UGT1A8: variants seen among roughly 807,000 people sequenced by gnomAD.
UGT1A8 encodes UDP glucuronosyltransferase family 1 member A8, also known as UDP-glucuronosyltransferase 1A8.
UGT1A8 carries 39 observed loss-of-function variants against 45.3 expected under a neutral mutation model. That is an observed-to-expected ratio of 0.86 (90% confidence interval 0.67 to 1.12). The LOEUF is 1.12. UGT1A8 is among the 50% of genes most tolerant of loss of function. The probability of loss-of-function intolerance (pLI) is 0.00; values close to 1 mark genes in which losing one functional copy is unlikely to be tolerated. For synonymous variants in UGT1A8, 275 were observed against 249.2 expected (o/e 1.10, Z -0.97); for missense variants, 719 against 664.9 (o/e 1.08, Z -0.90).
chr2:233,662,819 T>G (rs2074002190), intron 1 of UGT1A8, among the ~76,000 whole-genome samples: 1 of 61,852 alleles, frequency 1.6e-5, no homozygotes, highest in Admixed American at 1.3e-4. Flanking sequence ...TGCTGAGAGT[T>G]TTTTTTTTTT....
chr2:233,761,011 G>A, intron 1 of UGT1A8: 1 of 1,614,156 alleles, frequency 6.2e-7, no homozygotes, highest in Non-Finnish European at 8.5e-7. Flanking sequence ...TCAGAGAGAG[G>A]TGACTGTCCA....
chr2:233,763,406 T>A (rs1698303480), intron 1 of UGT1A8, among the ~76,000 whole-genome samples: 1 of 152,236 alleles, frequency 6.6e-6, no homozygotes, highest in African/African-American at 2.4e-5. Context: ...GGCACTGGTA[T>A]TTTTAATCCA....
intron 1 of UGT1A8, among the ~76,000 whole-genome samples, chr2:233,751,532 C>T (rs1375355946): frequency 6.6e-6 from 1 of 152,214 alleles, no homozygotes; most frequent in Non-Finnish European, 1.5e-5. Context: ...TATGGTTTGA[C>T]TCTGTGTTTC....
At chr2:233,698,042 AGTT>A (rs2075422971) in intron 1 of UGT1A8, among the ~76,000 whole-genome samples, 1 of 152,202 alleles carries the variant, frequency 6.6e-6, no homozygotes, top group Non-Finnish European at 1.5e-5. Context: ...TTTTTCAAAA[AGTT>A]GTACTCAGTT....
chr2:233,728,958 A>G (rs2077771946), intron 1 of UGT1A8: 1 of 1,444,154 alleles, frequency 6.9e-7, no homozygotes, highest in Non-Finnish European at 9.2e-7. Flanking sequence ...CCCACAGTGA[A>G]AAACAGTGAT....
intron 1 of UGT1A8, among the ~76,000 whole-genome samples, chr2:233,684,334 A>T (rs2074675170): frequency 6.6e-6 from 1 of 152,198 alleles, no homozygotes; most frequent in Admixed American, 6.5e-5. Flanking sequence ...GGACGCTAAG[A>T]GGATAGACTT....
At chr2:233,743,223 T>C (rs879890998) in intron 1 of UGT1A8, 26 of 414,194 alleles carry the variant, frequency 6.3e-5, no homozygotes, top group Middle Eastern at 7.1e-4. Context: ...TGCTCTTTGC[T>C]ATTTATTATG....
intron 1 of UGT1A8, among the ~76,000 whole-genome samples, chr2:233,645,210 C>G (rs963570438): frequency 2.0e-5 from 3 of 152,206 alleles, no homozygotes; most frequent in African/African-American, 7.2e-5. Context: ...TATTCACTAT[C>G]AAGAGAACAG....
At chr2:233,734,267 C>T (rs1349289847) in intron 1 of UGT1A8, among the ~76,000 whole-genome samples, 2 of 152,020 alleles carry the variant, frequency 1.3e-5, no homozygotes, top group Non-Finnish European at 2.9e-5. Flanking sequence ...GTGTATGTGT[C>T]CAGGAATTTA....
intron 1 of UGT1A8, among the ~76,000 whole-genome samples, chr2:233,670,849 A>G (rs953528936): frequency 1.3e-5 from 2 of 152,182 alleles, no homozygotes; most frequent in Non-Finnish European, 2.9e-5. Context: ...GCAAGATATT[A>G]CCTGACTTCA....
Position 233,729,197 on chromosome 2 carries a change from C to T in UGT1A8, c.856-37837C>T, listed in dbSNP as rs569872278. The stretch of plus-strand genomic sequence containing the variant: ...CTGCTGCTTCTCCTCAGTGTCCAGC[C>T]CTGGGCTGAGAGTGGAAAGGTGTTG... On this transcript the variant is annotated intron_variant, in intron 1 of 4. Coordinates refer to ENST00000373450, the MANE Select transcript of UGT1A8 (RefSeq NM_019076.5). 4.3e-6 allele frequency: 7 copies of T among 1,614,002 alleles called. No homozygotes were observed. The African/African-American group carries it at 8.0e-5, about 18-fold the overall frequency.
At chr2:233,672,798 T>A in intron 1 of UGT1A8, 1 of 1,612,458 alleles carries the variant, frequency 6.2e-7, no homozygotes, top group East Asian at 2.2e-5. Context: ...TGGTAAGTTA[T>A]CTCTCCTTTA....
At chr2:233,691,299 TC>T in intron 1 of UGT1A8, 1 of 985,512 alleles carries the variant, frequency 1.0e-6, no homozygotes, top group South Asian at 4.7e-5. Context: ...AAGCTGCCAA[TC>T]CTCTTGGGAG....
At chr2:233,671,049 A>G (rs1452274402) in intron 1 of UGT1A8, among the ~76,000 whole-genome samples, 2 of 152,202 alleles carry the variant, frequency 1.3e-5, no homozygotes, top group African/African-American at 4.8e-5. Flanking sequence ...AAGGCATAGC[A>G]TGGGTACTGT....
At chr2:233,719,295 G>A in intron 1 of UGT1A8, 1 of 1,613,994 alleles carries the variant, frequency 6.2e-7, no homozygotes. Context: ...CCTCTGTGGG[G>A]CGGTGCTGGC....
At chr2:233,688,257 A>G (rs2074884788) in intron 1 of UGT1A8, among the ~76,000 whole-genome samples, 1 of 152,228 alleles carries the variant, frequency 6.6e-6, no homozygotes, top group Non-Finnish European at 1.5e-5. Context: ...ATTCCTTTAC[A>G]TGGCCGAATA....
chr2:233,757,560 A>ATATATATATATATATGTG, intron 1 of UGT1A8, among the ~76,000 whole-genome samples: 1 of 123,156 alleles, frequency 8.1e-6, no homozygotes, highest in African/African-American at 3.4e-5. Flanking sequence ...ATATATATAT[A>ATATATATATATATATGTG]TGTATATATG....
chr2:233,682,860 A>T, intron 1 of UGT1A8: 1 of 1,526,442 alleles, frequency 6.6e-7, no homozygotes, highest in Non-Finnish European at 8.8e-7. Context: ...TTCTTACAGA[A>T]TCATAATTTA....
At chr2:233,751,208 T>G (rs767963579) in intron 1 of UGT1A8, among the ~76,000 whole-genome samples, 3 of 151,940 alleles carry the variant, frequency 2.0e-5, no homozygotes, top group Non-Finnish European at 4.4e-5. Flanking sequence ...TTTTGGAGCT[T>G]TAAGATTTAA....
Sources: allele counts gnomAD v4.1 joint callset (sites outside exome capture counted in the v4.1 genomes callset), GRCh38; gene constraint gnomAD v4.1.1; transcripts MANE v1.5; gene names NCBI Gene and HGNC (gene_info 2026-07-23, HGNC 2026-07-21).